The following MBIP variants were observed in gnomAD, a reference collection of about 807,000 sequenced individuals.
MBIP encodes the protein MAP3K12 binding inhibitory protein 1, also known as MAP3K12-binding inhibitory protein 1.
MBIP carries 32 observed loss-of-function variants against 45.7 expected under a neutral mutation model. The ratio of observed to expected loss-of-function variants is 0.70; its 90% CI spans 0.53 to 0.94. The LOEUF is 0.94. Ranked by LOEUF, MBIP falls within the 40% of genes least tolerant of loss-of-function variation. MBIP has a pLI of 0.00. For synonymous variants in MBIP, 145 were observed against 141.0 expected (o/e 1.03, Z -0.20); for missense variants, 381 against 405.5 (o/e 0.94, Z 0.52).
chr14:36,320,093 C>T (rs1880801594), intron 1 of MBIP, among the ~76,000 whole-genome samples: 1 of 152,128 alleles, frequency 6.6e-6, no homozygotes, highest in African/African-American at 2.4e-5. Context: ...ACTGACCAAC[C>T]AATTCCCATA....
At chr14:36,300,065 T>C (rs1466532194) in intron 8 of MBIP, among the ~76,000 whole-genome samples, 2 of 152,190 alleles carry the variant, frequency 1.3e-5, no homozygotes, top group Non-Finnish European at 1.5e-5. Context: ...ATGTGAATTG[T>C]ATTTTTAAAG....
intron 6 of MBIP, 47 bp from the exon 7 acceptor site, chr14:36,308,236 C>A: frequency 1.1e-6 from 1 of 916,928 alleles, no homozygotes; most frequent in Non-Finnish European, 1.7e-6. Context: ...ATAATTCTTT[C>A]TTTTCACAAT....
intron 7 of MBIP, among the ~76,000 whole-genome samples, chr14:36,304,762 A>G (rs186447500): frequency 6.6e-6 from 1 of 152,334 alleles, no homozygotes; most frequent in Non-Finnish European, 1.5e-5. Context: ...ATCTGATTAC[A>G]TTTTATAAAA....
intron 1 of MBIP, among the ~76,000 whole-genome samples, chr14:36,317,312 C>A (rs919247931): frequency 6.6e-6 from 1 of 152,156 alleles, no homozygotes; most frequent in South Asian, 2.1e-4. Flanking sequence ...CTCCAAATCA[C>A]ATTTTTAGTT....
chr14:36,307,302 A>G (rs1430494039), intron 7 of MBIP, among the ~76,000 whole-genome samples: 1 of 152,172 alleles, frequency 6.6e-6, no homozygotes, highest in African/African-American at 2.4e-5. Context: ...CCACTAACTT[A>G]TATGATCCAT....
At chr14:36,311,828 C>T in intron 5 of MBIP, 103 bp from the exon 6 acceptor site, 1 of 1,239,446 alleles carries the variant, frequency 8.1e-7, no homozygotes, top group Non-Finnish European at 1.1e-6. Context: ...GACCATCTAA[C>T]CACAAGTATG....
intron 1 of MBIP, among the ~76,000 whole-genome samples, chr14:36,317,057 T>C (rs112548874): frequency 0.015 from 2,359 of 152,230 alleles, 43 homozygotes; most frequent in African/African-American, 0.052. Flanking sequence ...GTCTGTGTAA[T>C]GGGACCATTT....
At chr14:36,314,054 G>T (rs1321354626) in intron 4 of MBIP, 1 of 153,124 alleles carries the variant, frequency 6.5e-6, no homozygotes, top group African/African-American at 2.4e-5. Context: ...GTTGTATCGT[G>T]ACACAGGACA....
intron 7 of MBIP, among the ~76,000 whole-genome samples, chr14:36,306,437 ATTTTTTT>A (rs1292148453): frequency 6.0e-5 from 9 of 151,160 alleles, no homozygotes; most frequent in Non-Finnish European, 1.3e-4. Flanking sequence ...TTTATTTTTT[ATTTTTTT>A]GTATTTTTAG....
intron 6 of MBIP, 91 bp from the exon 7 acceptor site, chr14:36,308,280 T>C (rs1880000537): frequency 3.0e-6 from 2 of 662,580 alleles, no homozygotes; most frequent in East Asian, 2.6e-5. Flanking sequence ...AAGACACTTA[T>C]GCAAAGGAAT....
At chr14:36,303,362 T>G (rs1468536510) in intron 7 of MBIP, among the ~76,000 whole-genome samples, 1 of 152,214 alleles carries the variant, frequency 6.6e-6, no homozygotes, top group South Asian at 2.1e-4. Context: ...CATGCACCGC[T>G]TAATGATGGG....
chr14:36,314,998 C>T, intron 2 of MBIP, 83 bp from the exon 3 acceptor site: 1 of 830,456 alleles, frequency 1.2e-6, no homozygotes, highest in Admixed American at 2.6e-5. Context: ...TAAATTTCTG[C>T]TAAGTAAATG....
chr14:36,317,702 A>T (rs1344799767), intron 1 of MBIP, among the ~76,000 whole-genome samples: 2 of 152,110 alleles, frequency 1.3e-5, no homozygotes, highest in Non-Finnish European at 2.9e-5. Flanking sequence ...GTGAACCATC[A>T]AAAACTTTTC....
chr14:36,316,662 A>G, intron 2 of MBIP, 31 bp downstream of exon 2: 2 of 1,578,488 alleles, frequency 1.3e-6, no homozygotes, highest in Middle Eastern at 1.7e-4. Context: ...TATTTTCAAT[A>G]TCGGGTTATC....
In MBIP at chr14:36,318,533, T is replaced by C. The variant is rs766161572; in HGVS notation, c.130-1721A>G. Among the ~76,000 whole-genome samples, 99 of 151,958 alleles carry C rather than the reference T, an allele frequency of 6.5e-4. 1 individual carries two copies. The highest frequency in any genetic ancestry group is 2.1e-4 in the Non-Finnish European group (14 of 67,834). On this transcript the variant is annotated intron_variant, in intron 1 of 8. Coordinates refer to ENST00000416007, the MANE Select transcript of MBIP (RefSeq NM_016586.3). ...CCACTCACTCGAAAATCTCTATTAGTCTGCTATTAATATAGACTATTTAAA... is the reference window on the plus strand; with the variant it reads ...CCACTCACTCGAAAATCTCTATTAGCCTGCTATTAATATAGACTATTTAAA...
At chr14:36,311,882 G>T in intron 5 of MBIP, 77 bp downstream of exon 5, 1 of 1,276,602 alleles carries the variant, frequency 7.8e-7, no homozygotes, top group South Asian at 1.4e-5. Flanking sequence ...ATTTAGATGG[G>T]AAAGTTATTT....
rs770896506 is a variant in MBIP, at chr14:36,311,612, G to A, written c.751C>T (p.Arg251Ter). 3.2e-5 allele frequency: 51 copies of A among 1,612,778 alleles called. No homozygotes were observed. The highest frequency in any genetic ancestry group is 6.7e-5 in the African/African-American group (5 of 74,806). The part of the protein sequence containing the change: ...RDCGNQAVEE[R>*]LQNIEAHLRL... Reference sequence around the variant, plus strand: ...AAGTGGGCCTCAATATTTTGTAGTCGTTCTTCTACAGCCTGATTACCACAG... The same window carrying A: ...AAGTGGGCCTCAATATTTTGTAGTCATTCTTCTACAGCCTGATTACCACAG... The change falls in exon 6 of 9, where the codon CGA becomes TGA. Residue 251 changes from arginine (R) to a stop codon, truncating the protein, a stop_gained. Transcript: ENST00000416007. LOFTEE classifies it high-confidence loss of function.
At chr14:36,305,429 T>G (rs1879808244) in intron 7 of MBIP, 1 of 152,134 alleles carries the variant, frequency 6.6e-6, no homozygotes, top group South Asian at 2.1e-4. Context: ...TTCTAAAAGA[T>G]ATATAGTTTT....
Position 36,299,203 on chromosome 14 carries a change from A to G in MBIP, c.928-13T>C. On this transcript the variant is annotated splice_polypyrimidine_tract_variant and intron_variant, in intron 8 of 8. Transcript: ENST00000416007. ...GTGAATAGTTCTGCTGTAAACAATA[A>G]CGACACAAATTGCTGAATAAGATTC... 6.4e-7 allele frequency: 1 copy of G among 1,572,360 alleles called. No individual in the cohort carries two copies. The highest frequency in any genetic ancestry group is 8.8e-7 in the Non-Finnish European group (1 of 1,142,842).
Sources: gnomAD v4.1 joint callset for allele counts (sites outside exome capture counted in the v4.1 genomes callset) on GRCh38, gnomAD v4.1.1 for gene constraint, MANE v1.5 for transcripts, NCBI Gene and HGNC (gene_info 2026-07-23, HGNC 2026-07-21) for gene names.